The following CPQ variants were observed in gnomAD, a reference collection of about 807,000 sequenced individuals.
The protein encoded by CPQ is Ser-Met dipeptidase.
Under a neutral mutation model 45.7 loss-of-function variants are expected in CPQ, and 37 were observed. The observed-to-expected ratio is 0.81, with a 90% confidence interval of 0.62 to 1.07. The LOEUF is 1.07. CPQ is among the 50% of genes least tolerant of loss of function. The pLI, the probability that CPQ is intolerant of heterozygous loss-of-function variation, is 0.00. For synonymous variants in CPQ, 186 were observed against 205.8 expected (o/e 0.90, Z 0.82); for missense variants, 537 against 572.9 (o/e 0.94, Z 0.64).
intron 1 of CPQ, among the ~76,000 whole-genome samples, chr8:96,670,219 G>A (rs934357764): frequency 6.6e-5 from 10 of 151,872 alleles, no homozygotes; most frequent in Non-Finnish European, 1.5e-4. Context: ...TAAACTGTGA[G>A]AACAGTTGTT....
chr8:96,875,692 C>T (rs1281888958), intron 3 of CPQ, among the ~76,000 whole-genome samples: 4 of 151,796 alleles, frequency 2.6e-5, no homozygotes, highest in African/African-American at 9.7e-5. Context: ...ATCTTGGTTA[C>T]TATAGTTTTA....
intron 2 of CPQ, among the ~76,000 whole-genome samples, chr8:96,808,474 G>C (rs1811114340): frequency 2.0e-5 from 3 of 152,030 alleles, no homozygotes; most frequent in African/African-American, 7.2e-5. Context: ...TGGTCTTTCT[G>C]ATATTGTTTT....
intron 7 of CPQ, 70 bp downstream of exon 7, chr8:97,066,280 T>C (rs1810635238): frequency 2.1e-6 from 3 of 1,403,308 alleles, no homozygotes; most frequent in African/African-American, 1.4e-5. Flanking sequence ...TCTGTTTTAA[T>C]AGAGCACAAT....
intron 1 of CPQ, among the ~76,000 whole-genome samples, chr8:96,723,244 T>TA (rs1393102951): frequency 6.6e-6 from 1 of 152,174 alleles, no homozygotes; most frequent in Non-Finnish European, 1.5e-5. Context: ...GGATTTTATT[T>TA]AAAAAAATTC....
At chr8:96,809,806 A>G (rs1811137343) in intron 2 of CPQ, among the ~76,000 whole-genome samples, 1 of 152,176 alleles carries the variant, frequency 6.6e-6, no homozygotes, top group African/African-American at 2.4e-5. Context: ...TAGAAAATGC[A>G]ATGTTGAAAG....
At chr8:96,930,053 T>G (rs575667260) in intron 4 of CPQ, among the ~76,000 whole-genome samples, 2 of 152,162 alleles carry the variant, frequency 1.3e-5, no homozygotes, top group Non-Finnish European at 2.9e-5. Context: ...GAGGGAGATA[T>G]AGGTTCCCTG....
At chr8:96,668,603 G>A (rs992638447) in intron 1 of CPQ, among the ~76,000 whole-genome samples, 1 of 152,166 alleles carries the variant, frequency 6.6e-6, no homozygotes, top group African/African-American at 2.4e-5. Flanking sequence ...AAAAATTAAC[G>A]TGTTGGAGAG....
At chr8:96,891,434 G>C (rs1812374991) in intron 4 of CPQ, among the ~76,000 whole-genome samples, 1 of 152,196 alleles carries the variant, frequency 6.6e-6, no homozygotes, top group Non-Finnish European at 1.5e-5. Flanking sequence ...AGTGGCTGTA[G>C]CCGGGTCAGC....
At chr8:96,742,005 G>A (rs1810099698) in intron 1 of CPQ, among the ~76,000 whole-genome samples, 1 of 144,644 alleles carries the variant, frequency 6.9e-6, no homozygotes, top group South Asian at 2.3e-4. Flanking sequence ...TTGGTGCAGA[G>A]CTGAGTTCAA....
chr8:96,732,569 C>CT (rs1491012111), intron 1 of CPQ, among the ~76,000 whole-genome samples: 19 of 38,134 alleles, frequency 5.0e-4, no homozygotes, highest in East Asian at 5.2e-3. Flanking sequence ...TTCTATTTTT[C>CT]TTTTTTTTTC....
intron 5 of CPQ, among the ~76,000 whole-genome samples, chr8:96,994,357 C>T (rs1418526469): frequency 1.3e-5 from 2 of 152,106 alleles, no homozygotes; most frequent in African/African-American, 4.8e-5. Flanking sequence ...GAAACTGTCA[C>T]CAATGATCTC....
In CPQ at chr8:96,695,748, T is replaced by G. The variant is rs948608826; in HGVS notation, c.-35+50346T>G. ...AATTAAAACCACAATGAGATACCAT[T>G]TCACACCAGTTAGAATGGCGATCAT... On this transcript the variant is annotated intron_variant, in intron 1 of 7. Coordinates refer to ENST00000220763, the MANE Select transcript of CPQ (RefSeq NM_016134.4). 9.5e-4 allele frequency among the ~76,000 whole-genome samples: 142 copies of G among 149,310 alleles called. 2 individuals carry two copies. The highest frequency in any genetic ancestry group is 2.5e-3 in the South Asian group (12 of 4,820).
intron 4 of CPQ, among the ~76,000 whole-genome samples, chr8:96,902,047 A>G (rs541282581): frequency 6.6e-6 from 1 of 152,220 alleles, no homozygotes; most frequent in Admixed American, 6.5e-5. Flanking sequence ...GGAAGGAGCT[A>G]CTGAGAGCCA....
chr8:96,680,293 G>A (rs1323306922), intron 1 of CPQ: 1 of 152,112 alleles, frequency 6.6e-6, no homozygotes, highest in East Asian at 1.9e-4. Context: ...GATATGGTTT[G>A]GCTGTGTCCC....
intron 5 of CPQ, among the ~76,000 whole-genome samples, chr8:96,979,513 C>T (rs999030657): frequency 2.6e-5 from 4 of 152,262 alleles, no homozygotes; most frequent in Non-Finnish European, 4.4e-5. Flanking sequence ...TTCGCCTACA[C>T]GCTTCTCTGC....
chr8:96,953,999 A>C (rs890118412), intron 4 of CPQ, among the ~76,000 whole-genome samples: 10 of 152,176 alleles, frequency 6.6e-5, no homozygotes, highest in African/African-American at 2.4e-4. Flanking sequence ...TCTCCAAGGT[A>C]TTGATGGAAA....
At chr8:97,034,906 T>C (rs1356976911) in intron 6 of CPQ, among the ~76,000 whole-genome samples, 3 of 151,886 alleles carry the variant, frequency 2.0e-5, no homozygotes. Flanking sequence ...TTTTTTTTTT[T>C]TCGAGATGGA....
At chr8:96,762,497 T>C (rs1365090705) in intron 1 of CPQ, among the ~76,000 whole-genome samples, 1 of 152,182 alleles carries the variant, frequency 6.6e-6, no homozygotes, top group African/African-American at 2.4e-5. Flanking sequence ...ATCCAAACAT[T>C]ATGTTAATAA....
chr8:96,757,458 A>T (rs1231615198), intron 1 of CPQ, among the ~76,000 whole-genome samples: 1 of 150,984 alleles, frequency 6.6e-6, no homozygotes, highest in East Asian at 1.9e-4. Flanking sequence ...GACTGTTCCT[A>T]ATAAAAAGCC....
Sources: gnomAD v4.1 joint callset for allele counts (sites outside exome capture counted in the v4.1 genomes callset) on GRCh38, gnomAD v4.1.1 for gene constraint, MANE v1.5 for transcripts, NCBI Gene and HGNC (gene_info 2026-07-23, HGNC 2026-07-21) for gene names.